The following EPAS1 variants were observed in gnomAD, a reference collection of about 807,000 sequenced individuals.
EPAS1 encodes endothelial PAS domain-containing protein 1.
EPAS1 carries 23 observed loss-of-function variants against 87.9 expected under a neutral mutation model. The ratio of observed to expected loss-of-function variants is 0.26; its 90% CI spans 0.19 to 0.37. The LOEUF (loss-of-function observed/expected upper bound fraction) is 0.37, where lower values mean the gene tolerates loss of function less well. Among genes scored for constraint, EPAS1 ranks in the 10% least tolerant of loss-of-function variants. The pLI, the probability that EPAS1 is intolerant of heterozygous loss-of-function variation, is 1.00. For synonymous variants in EPAS1, 508 were observed against 444.3 expected (o/e 1.14, Z -1.80); for missense variants, 1,138 against 1,120.7 (o/e 1.02, Z -0.22).
At chr2:46,337,441 A>C (rs951126443) in intron 1 of EPAS1, among the ~76,000 whole-genome samples, 1 of 152,214 alleles carries the variant, frequency 6.6e-6, no homozygotes, top group Non-Finnish European at 1.5e-5. Flanking sequence ...GCAGTAGCTA[A>C]GTCCCCCCTA....
At chr2:46,334,947 A>G (rs539078821) in intron 1 of EPAS1, among the ~76,000 whole-genome samples, 1 of 152,314 alleles carries the variant, frequency 6.6e-6, no homozygotes, top group African/African-American at 2.4e-5. Context: ...ATCAGATCCC[A>G]CAATACTAGA....
chr2:46,340,130 C>T (rs910741946), intron 1 of EPAS1, among the ~76,000 whole-genome samples: 14 of 152,252 alleles, frequency 9.2e-5, no homozygotes, highest in South Asian at 4.1e-4. Context: ...ACGTGTCCTC[C>T]GGTTACGTAA....
chr2:46,384,655 A>G lies in EPAS1; in HGVS notation c.2608A>G (p.Thr870Ala). 6.2e-7 allele frequency: 1 copy of G among 1,613,624 alleles called. No individual in the cohort carries two copies. Among genetic ancestry groups the G allele is most frequent in the Non-Finnish European group, 8.5e-7 (1 of 1,179,968 alleles). ...CCTCCTCAGAGCCCTGGACCAGGCC[A>G]CCTGAGCCAGGCCTTCTACCTGGGC... ...GDLLRALDQA[T>A] The change falls in exon 16 of 16, where the codon ACC becomes GCC. Residue 870 changes from threonine (T) to alanine (A), a missense_variant. By Grantham distance (58) the Thr-to-Ala change is moderately conservative. Around this residue, in one of 4 missense-constraint regions of EPAS1, gnomAD observed 502 missense variants for 427.1 expected, o/e 1.18. Transcript: ENST00000263734.
chr2:46,341,494 T>C (rs1683912446), intron 1 of EPAS1, among the ~76,000 whole-genome samples: 1 of 152,254 alleles, frequency 6.6e-6, no homozygotes, highest in Non-Finnish European at 1.5e-5. Context: ...CCACCTTCTG[T>C]GTGGCATCTA....
chr2:46,328,980 C>T (rs993367842), intron 1 of EPAS1, among the ~76,000 whole-genome samples: 1 of 152,122 alleles, frequency 6.6e-6, no homozygotes, highest in African/African-American at 2.4e-5. Flanking sequence ...ACTTTGCATC[C>T]TCAAAATGTA....
At chr2:46,338,186 A>G (rs991338281) in intron 1 of EPAS1, among the ~76,000 whole-genome samples, 1 of 152,182 alleles carries the variant, frequency 6.6e-6, no homozygotes, top group Admixed American at 6.5e-5. Context: ...TCACTGGGTG[A>G]TGGCTGGGCA....
intron 1 of EPAS1, among the ~76,000 whole-genome samples, chr2:46,321,660 ACATATTGCCTGTT>A (rs1419697893): frequency 6.6e-6 from 1 of 151,986 alleles, no homozygotes; most frequent in African/African-American, 2.4e-5. Context: ...GTCTTTATAA[ACATATTGCCTGTT>A]CCTTGCCCCC....
In EPAS1 at chr2:46,360,859, G is replaced by T. The variant is rs752510150; in HGVS notation, c.574-26G>T. On this transcript the variant is annotated intron_variant, in intron 5 of 15. Coordinates refer to ENST00000263734, the MANE Select transcript of EPAS1 (RefSeq NM_001430.5). This position sits in a 1 kb window ranked among gnomAD's most constrained non-coding sequence, Gnocchi z 4.5. Reference sequence around the variant, plus strand: ...CCACCCCCAGCACTCTCGGCTCCATGTCTGACCCTTCCACGCCTGTCTCAG... The same window carrying T: ...CCACCCCCAGCACTCTCGGCTCCATTTCTGACCCTTCCACGCCTGTCTCAG... 1 of 1,614,108 alleles carries T rather than the reference G, an allele frequency of 6.2e-7. No homozygotes were observed. The highest frequency in any genetic ancestry group is 1.1e-5 in the South Asian group (1 of 91,086).
intron 1 of EPAS1, among the ~76,000 whole-genome samples, chr2:46,328,760 G>A (rs1683613426): frequency 6.6e-6 from 1 of 152,226 alleles, no homozygotes; most frequent in African/African-American, 2.4e-5. Context: ...TCAAGGTTCA[G>A]AAAGGTGAAA....
chr2:46,381,993 A>G lies in EPAS1; in HGVS notation c.2191A>G (p.Ser731Gly). 2 of 1,588,278 alleles carry G rather than the reference A, an allele frequency of 1.3e-6. No homozygotes were observed. The highest frequency in any genetic ancestry group is 1.7e-6 in the Non-Finnish European group (2 of 1,164,428). The change falls in exon 14 of 16, where the codon AGC (serine) becomes GGC (glycine). Residue 731 changes from serine (S) to glycine (G), a missense_variant. This residue lies in a region of EPAS1 where 502 missense variants were observed against 427.1 expected (regional missense o/e 1.18). Transcript: ENST00000263734. ...DLSGGDPPGG[S>G]TSHLMWKRMK... ...CTCCCAGGGGGACCCACCTGGTGGC[A>G]GCACCTCACATTTGATGTGGAAACG...
intron 4 of EPAS1, among the ~76,000 whole-genome samples, chr2:46,359,013 G>A (rs1684328953): frequency 6.6e-6 from 1 of 151,970 alleles, no homozygotes; most frequent in Non-Finnish European, 1.5e-5. Flanking sequence ...GTAATCCCAG[G>A]ACTTTCGGAG....
chr2:46,303,062 G>A (rs1683043275), intron 1 of EPAS1, among the ~76,000 whole-genome samples: 1 of 152,186 alleles, frequency 6.6e-6, no homozygotes, highest in Admixed American at 6.5e-5. Context: ...GACAGAGCGA[G>A]ACAACGTCAA....
Position 46,356,180 on chromosome 2 carries a change from G to C in EPAS1, c.247G>C (p.Ala83Pro). ...VCSENESEAE[A>P]DQQMDNLYLK... ...CTCTGAAAACGAGTCCGAAGCCGAAGCTGACCAGCAGATGGACAACTTGTA... is the reference window on the plus strand; with the variant it reads ...CTCTGAAAACGAGTCCGAAGCCGAACCTGACCAGCAGATGGACAACTTGTA... The change falls in exon 3 of 16, where the codon GCT becomes CCT. Residue 83 changes from alanine (A) to proline (P), a missense_variant. By Grantham distance (27) the Ala-to-Pro change is conservative. Coordinates refer to ENST00000263734, the MANE Select transcript of EPAS1 (RefSeq NM_001430.5). 6.5e-7 allele frequency: 1 copy of C among 1,539,652 alleles called. No homozygotes were observed.
In EPAS1 at chr2:46,378,650, C is replaced by T. The variant is rs552754940; in HGVS notation, c.1444-7C>T. The T allele has an allele frequency of 7.0e-5, 113 of 1,612,330 alleles. No homozygotes were observed. The highest frequency in any genetic ancestry group is 1.7e-4 in the Middle Eastern group (1 of 6,060). ...TTGACTCTGTCCCCCTCCTTCCTGG[C>T]CCCTAGCCCAATAGCCCTGAAGACT... is the stretch of plus-strand genomic sequence containing the variant. On this transcript the variant is annotated splice_polypyrimidine_tract_variant and splice_region_variant and intron_variant, in intron 10 of 15. Transcript: ENST00000263734.
intron 1 of EPAS1, among the ~76,000 whole-genome samples, chr2:46,302,124 G>C (rs943791875): frequency 4.0e-4 from 57 of 142,692 alleles, no homozygotes; most frequent in East Asian, 1.5e-3. Context: ...CTCTCTGTGT[G>C]TGTGTGTGTG....
At chr2:46,332,326 G>GTA (rs1451965961) in intron 1 of EPAS1, among the ~76,000 whole-genome samples, 2 of 143,820 alleles carry the variant, frequency 1.4e-5, no homozygotes, top group African/African-American at 5.3e-5. Flanking sequence ...GTGTGTGTGT[G>GTA]TGTGTGTATC....
chr2:46,374,638 C>T (rs1263844975), intron 7 of EPAS1, among the ~76,000 whole-genome samples: 2 of 152,230 alleles, frequency 1.3e-5, no homozygotes, highest in South Asian at 2.1e-4. Context: ...GATCCTCCCT[C>T]CATGCCCTTT....
At chr2:46,328,994 A>C (rs775478991) in intron 1 of EPAS1, among the ~76,000 whole-genome samples, 4 of 152,250 alleles carry the variant, frequency 2.6e-5, no homozygotes, top group Non-Finnish European at 5.9e-5. Flanking sequence ...AAATGTATGA[A>C]GTAAACATTA....
intron 1 of EPAS1, among the ~76,000 whole-genome samples, chr2:46,345,911 C>T (rs952207093): frequency 1.3e-5 from 2 of 152,128 alleles, no homozygotes; most frequent in African/African-American, 4.8e-5. Flanking sequence ...CATAAATTAT[C>T]ACATTTAGTC....
Sources: gnomAD v4.1 joint callset for allele counts (sites outside exome capture counted in the v4.1 genomes callset) on GRCh38, gnomAD v4.1.1 for gene constraint, gnomAD v4.1.1 regional missense constraint, Gnocchi (gnomAD v3.1) non-coding constraint, MANE v1.5 for transcripts, NCBI Gene and HGNC (gene_info 2026-07-23, HGNC 2026-07-21) for gene names.